The following THRB variants were observed in gnomAD, a reference collection of about 807,000 sequenced individuals.
The protein encoded by THRB is nuclear receptor subfamily 1 group A member 2.
A neutral mutation model predicts 47.8 loss-of-function variants in THRB; 12 were observed. The ratio of observed to expected loss-of-function variants is 0.25; its 90% confidence interval spans 0.16 to 0.41. THRB has a LOEUF of 0.41. Among genes scored for constraint, THRB ranks in the 10% least tolerant of loss-of-function variants. The pLI, the probability that THRB is intolerant of heterozygous loss-of-function variation, is 1.00. For missense variants in THRB, 348 were observed against 589.2 expected, an observed-to-expected ratio of 0.59 and a Z score of 4.24; for synonymous variants, 218 against 212.2, an observed-to-expected ratio of 1.03 and a Z score of -0.24.
chr3:24,278,540 T>C (rs1414123596), intron 3 of THRB, among the ~76,000 whole-genome samples: 1 of 152,162 alleles, frequency 6.6e-6, no homozygotes, highest in African/African-American at 2.4e-5. Flanking sequence ...TTATACAAAA[T>C]GATGACAGAT....
chr3:24,283,862 C>T (rs2054920449), intron 3 of THRB, among the ~76,000 whole-genome samples: 1 of 150,632 alleles, frequency 6.6e-6, no homozygotes, highest in East Asian at 2.0e-4. Context: ...ACCTAGGAAT[C>T]CAACTTACAA....
chr3:24,186,944 C>CAAA (rs71057655), intron 5 of THRB, among the ~76,000 whole-genome samples: 10,321 of 77,454 alleles, frequency 0.13, 857 homozygotes, highest in Non-Finnish European at 0.18. Flanking sequence ...GACTCCATTT[C>CAAA]AAAAAAAAAA....
intron 4 of THRB, among the ~76,000 whole-genome samples, chr3:24,196,657 A>G (rs910396469): frequency 2.6e-5 from 4 of 152,198 alleles, no homozygotes; most frequent in African/African-American, 7.2e-5. Flanking sequence ...AGAACCTGGG[A>G]TGAGTCACCT....
intron 1 of THRB, among the ~76,000 whole-genome samples, chr3:24,467,189 A>G (rs35984991): frequency 0.28 from 42,167 of 152,128 alleles, 6,260 homozygotes; most frequent in East Asian, 0.36. Context: ...CTCCTTAACC[A>G]TAGAAGTTTT....
At chr3:24,123,695 T>G (rs1362769041) in intron 10 of THRB, among the ~76,000 whole-genome samples, 1 of 152,174 alleles carries the variant, frequency 6.6e-6, no homozygotes, top group African/African-American at 2.4e-5. Flanking sequence ...ATGCCTTTAG[T>G]AAAATTGCTA....
At chr3:24,176,986 A>C (rs2041243519) in intron 5 of THRB, among the ~76,000 whole-genome samples, 1 of 152,240 alleles carries the variant, frequency 6.6e-6, no homozygotes, top group Non-Finnish European at 1.5e-5. Flanking sequence ...ATGCAGGGCT[A>C]CAAACAGCTT....
intron 1 of THRB, among the ~76,000 whole-genome samples, chr3:24,412,937 G>A (rs2068432164): frequency 6.6e-6 from 1 of 151,478 alleles, no homozygotes; most frequent in African/African-American, 2.4e-5. Context: ...TAATGCTCTA[G>A]GAAATACAAA....
At chr3:24,341,123 ATT>A (rs67375658) in intron 1 of THRB, among the ~76,000 whole-genome samples, 6 of 136,886 alleles carry the variant, frequency 4.4e-5, no homozygotes, top group African/African-American at 7.9e-5. Context: ...GTCAATATCT[ATT>A]TTTTTTTTTC....
chr3:24,198,902 C>T (rs1296738841), intron 4 of THRB, among the ~76,000 whole-genome samples: 4 of 152,068 alleles, frequency 2.6e-5, no homozygotes, highest in Non-Finnish European at 5.9e-5. Flanking sequence ...TGGCCACTGG[C>T]TCCTAAGGGA....
intron 9 of THRB, 104 bp from the exon 10 acceptor site, chr3:24,127,861 C>T (rs909861085): frequency 7.5e-7 from 1 of 1,331,908 alleles, no homozygotes; most frequent in Non-Finnish European, 1.1e-6. Context: ...CTGTGATTAA[C>T]ATTTGTCCTG....
intron 1 of THRB, among the ~76,000 whole-genome samples, chr3:24,434,027 C>T (rs1173681106): frequency 1.3e-5 from 2 of 152,066 alleles, no homozygotes; most frequent in African/African-American, 4.8e-5. Flanking sequence ...AGTCCACCCT[C>T]TTGTTCCTCT....
intron 5 of THRB, among the ~76,000 whole-genome samples, chr3:24,157,215 G>A (rs2037993908): frequency 6.6e-6 from 1 of 151,936 alleles, no homozygotes; most frequent in African/African-American, 2.4e-5. Context: ...TTCCCACCCT[G>A]CCTACCCCTG....
At chr3:24,291,141 C>G (rs1433972622) in intron 3 of THRB, among the ~76,000 whole-genome samples, 1 of 152,176 alleles carries the variant, frequency 6.6e-6, no homozygotes, top group East Asian at 1.9e-4. Flanking sequence ...CCTGTTACAG[C>G]CTTCCTCTCA....
intron 1 of THRB, among the ~76,000 whole-genome samples, chr3:24,490,157 C>G (rs1490665676): frequency 6.6e-6 from 1 of 152,082 alleles, no homozygotes; most frequent in Non-Finnish European, 1.5e-5. Context: ...GCATGCTGAA[C>G]TGAAAAATGG....
intron 3 of THRB, among the ~76,000 whole-genome samples, chr3:24,240,305 T>A (rs754268948): frequency 1.3e-5 from 2 of 152,158 alleles, no homozygotes; most frequent in Non-Finnish European, 2.9e-5. Flanking sequence ...TTTAAGGCAG[T>A]CCTGGGAATA....
chr3:24,364,695 G>A (rs1443736258), intron 1 of THRB, among the ~76,000 whole-genome samples: 3 of 152,020 alleles, frequency 2.0e-5, no homozygotes, highest in Admixed American at 1.3e-4. Context: ...TGTTCTCTAG[G>A]GAAAGGGCTC....
At chr3:24,404,836 A>G (rs1276740354) in intron 1 of THRB, among the ~76,000 whole-genome samples, 1 of 151,864 alleles carries the variant, frequency 6.6e-6, no homozygotes, top group Non-Finnish European at 1.5e-5. Flanking sequence ...ATCCAGGGCT[A>G]GACAGATCTC....
intron 4 of THRB, among the ~76,000 whole-genome samples, chr3:24,224,710 G>C (rs2047485437): frequency 6.6e-6 from 1 of 152,144 alleles, no homozygotes; most frequent in Non-Finnish European, 1.5e-5. Context: ...CTGCCTCAGT[G>C]TTCACTTTTT....
chr3:24,178,202 C>G (rs1330498713), intron 5 of THRB, among the ~76,000 whole-genome samples: 4 of 152,158 alleles, frequency 2.6e-5, no homozygotes, highest in African/African-American at 7.2e-5. Flanking sequence ...CCTGCTCACA[C>G]TAAGATATAA....
Sources: allele counts gnomAD v4.1 joint callset (sites outside exome capture counted in the v4.1 genomes callset), GRCh38; gene constraint gnomAD v4.1.1; transcripts MANE v1.5; gene names NCBI Gene and HGNC (gene_info 2026-07-23, HGNC 2026-07-21).